ZBBX: variants seen among roughly 807,000 people sequenced by gnomAD.
The protein encoded by ZBBX is zinc finger B-box domain-containing protein 1.
Under a neutral mutation model 108.5 loss-of-function variants are expected in ZBBX, and 101 were observed. The observed-to-expected ratio is 0.93, with a 90% CI of 0.79 to 1.10. The LOEUF (loss-of-function observed/expected upper bound fraction) is 1.10, where lower values mean the gene tolerates loss of function less well. ZBBX is among the 50% of genes least tolerant of loss of function. The probability of loss-of-function intolerance (pLI) is 0.00; values close to 1 mark genes in which losing one functional copy is unlikely to be tolerated. For synonymous variants in ZBBX, 356 were observed against 323.4 expected (o/e 1.10, Z -1.08); for missense variants, 1,009 against 941.4 (o/e 1.07, Z -0.94).
intron 9 of ZBBX, among the ~76,000 whole-genome samples, chr3:167,336,432 C>T (rs1198802203): frequency 6.6e-6 from 1 of 152,088 alleles, no homozygotes; most frequent in Admixed American, 6.6e-5. Flanking sequence ...TTAAACATTA[C>T]TTTTCTCCAT....
intron 20 of ZBBX, among the ~76,000 whole-genome samples, chr3:167,277,581 G>T (rs1241382910): frequency 1.3e-5 from 2 of 152,158 alleles, no homozygotes; most frequent in African/African-American, 4.8e-5. Flanking sequence ...CAATACAGGA[G>T]CAAGCAGATT....
At chr3:167,358,517 TTTATG>T (rs1433645922) in intron 8 of ZBBX, among the ~76,000 whole-genome samples, 5 of 152,172 alleles carry the variant, frequency 3.3e-5, no homozygotes, top group African/African-American at 4.8e-5. Flanking sequence ...GTTGACACAT[TTTATG>T]TTATATGTAT....
chr3:167,384,695 T>C (rs1747852298), upstream of ZBBX, among the ~76,000 whole-genome samples: 1 of 152,026 alleles, frequency 6.6e-6, no homozygotes, highest in Non-Finnish European at 1.5e-5. Flanking sequence ...CATTCAGCAT[T>C]CCTAAAATAG....
chr3:167,216,715 C>G, the ZBBX span, among the ~76,000 whole-genome samples: 4 of 152,112 alleles, frequency 2.6e-5, no homozygotes, highest in Non-Finnish European at 4.4e-5. Flanking sequence ...TACCTGACTT[C>G]AAACTATACT....
chr3:167,264,060 T>C (rs943840927), intron 20 of ZBBX, among the ~76,000 whole-genome samples: 1 of 152,220 alleles, frequency 6.6e-6, no homozygotes, highest in African/African-American at 2.4e-5. Flanking sequence ...TGTCATAGAA[T>C]ATCTTTTTTC....
intron 4 of ZBBX, among the ~76,000 whole-genome samples, chr3:167,369,008 A>G (rs10936534): frequency 0.11 from 16,206 of 152,164 alleles, 879 homozygotes; most frequent in African/African-American, 0.14. Flanking sequence ...GGTCACCTCC[A>G]AAATTTTAAA....
intron 20 of ZBBX, among the ~76,000 whole-genome samples, chr3:167,267,333 C>A (rs1269512360): frequency 6.6e-6 from 1 of 152,128 alleles, no homozygotes; most frequent in Admixed American, 6.5e-5. Flanking sequence ...GCAAGAGATT[C>A]CTCATACAAG....
Position 167,240,041 on chromosome 3 carries a change from TA to T in ZBBX, c.*751del, listed in dbSNP as rs1327718433. On this transcript the variant is annotated 3_prime_UTR_variant, in exon 22 of 22. Coordinates refer to ENST00000675490, the MANE Select transcript of ZBBX (RefSeq NM_001199201.2). ...ACTCATTATCACGAGAACAGCAGCATAGGGGTAACTGCCCCCATGATTCAAT... is the reference window on the plus strand; with the variant it reads ...ACTCATTATCACGAGAACAGCAGCATGGGGTAACTGCCCCCATGATTCAAT... Among the ~76,000 whole-genome samples, 1 of 152,052 alleles carries T rather than the reference TA, an allele frequency of 6.6e-6. No homozygotes were observed. The highest frequency in any genetic ancestry group is 1.5e-5 in the Non-Finnish European group (1 of 67,988).
chr3:167,244,224 C>T (rs940442869), intron 20 of ZBBX, among the ~76,000 whole-genome samples: 1 of 152,130 alleles, frequency 6.6e-6, no homozygotes, highest in Non-Finnish European at 1.5e-5. Context: ...CACTCTGTTC[C>T]AGAATCTAAT....
At chr3:167,250,385 C>T (rs1303179050) in intron 20 of ZBBX, among the ~76,000 whole-genome samples, 4 of 152,196 alleles carry the variant, frequency 2.6e-5, no homozygotes, top group Admixed American at 1.3e-4. Context: ...TCCCATAAAA[C>T]GTTTAATTTC....
At chr3:167,350,034 T>C (rs1742357259) in intron 9 of ZBBX, among the ~76,000 whole-genome samples, 1 of 151,942 alleles carries the variant, frequency 6.6e-6, no homozygotes, top group Non-Finnish European at 1.5e-5. Flanking sequence ...TAAGAACTAA[T>C]TTTTAAATAA....
chr3:167,240,747 G>T lies in ZBBX; in HGVS notation c.*46C>A. 2 of 1,592,082 alleles carry T rather than the reference G, an allele frequency of 1.3e-6. No homozygotes were observed. The highest frequency in any genetic ancestry group is 1.7e-6 in the Non-Finnish European group (2 of 1,168,726). On this transcript the variant is annotated 3_prime_UTR_variant, in exon 22 of 22. Transcript: ENST00000675490. ...ACTTGGTTACTTTTCTCAGTTGTTT[G>T]CTTTACTCTGGGTACAAAATGGAAA...
intron 20 of ZBBX, among the ~76,000 whole-genome samples, chr3:167,258,029 T>C (rs1723830526): frequency 1.3e-5 from 2 of 152,156 alleles, no homozygotes; most frequent in Admixed American, 1.3e-4. Flanking sequence ...TTTATCTTTG[T>C]TTTTATTGCA....
chr3:167,396,373 C>T (rs376576409), intron 1 of ZBBX, among the ~76,000 whole-genome samples: 5 of 151,940 alleles, frequency 3.3e-5, no homozygotes, highest in South Asian at 2.1e-4. Flanking sequence ...CTCCTAGGGG[C>T]GACATTGACC....
intron 1 of ZBBX, among the ~76,000 whole-genome samples, chr3:167,385,416 T>C (rs1196975323): frequency 6.6e-6 from 1 of 152,044 alleles, no homozygotes; most frequent in African/African-American, 2.4e-5. Flanking sequence ...AACTGGAAGT[T>C]GCTTTGGATG....
In ZBBX at chr3:167,291,124, A is replaced by G. The variant is rs143578844; in HGVS notation, c.1880-2141T>C. Among the ~76,000 whole-genome samples, 1,371 of 152,254 alleles carry G rather than the reference A, an allele frequency of 9.0e-3. 28 individuals carry two copies. Among genetic ancestry groups the G allele is most frequent in the African/African-American group, 0.031 (1,294 of 41,546 alleles). On this transcript the variant is annotated intron_variant, in intron 18 of 21. Coordinates refer to ENST00000675490, the MANE Select transcript of ZBBX (RefSeq NM_001199201.2). Reference sequence around the variant, plus strand: ...ACGGGGAGAATGGAACCAAGTTGGGAAACACTCTTCAGGATATTATCCAAG... The same window carrying G: ...ACGGGGAGAATGGAACCAAGTTGGGGAACACTCTTCAGGATATTATCCAAG...
At chr3:167,261,844 C>T (rs1049563403) in intron 20 of ZBBX, among the ~76,000 whole-genome samples, 2 of 151,156 alleles carry the variant, frequency 1.3e-5, no homozygotes, top group African/African-American at 4.9e-5. Context: ...GGAGTCTGCA[C>T]ACCAGATTTG....
intron 6 of ZBBX, among the ~76,000 whole-genome samples, chr3:167,364,859 C>T (rs983141585): frequency 2.6e-5 from 4 of 151,886 alleles, no homozygotes; most frequent in African/African-American, 7.2e-5. Context: ...TAAATGTATA[C>T]CCCGTACTTT....
chr3:167,356,579 G>T (rs1743617988), intron 8 of ZBBX, among the ~76,000 whole-genome samples: 1 of 152,108 alleles, frequency 6.6e-6, no homozygotes, highest in Admixed American at 6.6e-5. Flanking sequence ...AATTGCAAAT[G>T]ATGCTGCAGT....
Sources: gnomAD v4.1 joint callset for allele counts (sites outside exome capture counted in the v4.1 genomes callset) on GRCh38, gnomAD v4.1.1 for gene constraint, MANE v1.5 for transcripts, NCBI Gene and HGNC (gene_info 2026-07-23, HGNC 2026-07-21) for gene names.